RUBCN: variants seen among roughly 807,000 people sequenced by gnomAD.
The protein encoded by RUBCN is run domain Beclin-1-interacting and cysteine-rich domain-containing protein.
In RUBCN, 74 loss-of-function variants were observed where a neutral mutation model predicts 113.2. That is an observed-to-expected ratio of 0.65 (90% CI 0.54 to 0.79). The LOEUF (loss-of-function observed/expected upper bound fraction) is 0.79, where lower values mean the gene tolerates loss of function less well. RUBCN is among the 30% of genes least tolerant of loss of function. The probability of loss-of-function intolerance (pLI) is 0.00; values close to 1 mark genes in which losing one functional copy is unlikely to be tolerated. For synonymous variants in RUBCN, 480 were observed against 490.0 expected (o/e 0.98, Z 0.27); for missense variants, 1,109 against 1,251.7 (o/e 0.89, Z 1.72).
chr3:197,693,840 G>A (rs192602739), intron 10 of RUBCN, 24 bp from the exon 11 acceptor site: 252 of 1,517,692 alleles, frequency 1.7e-4, no homozygotes, highest in Non-Finnish European at 2.2e-4. Flanking sequence ...AAACAAAAAG[G>A]AATAAACAGG....
chr3:197,703,483 A>C (rs1415754377), intron 5 of RUBCN, 65 bp downstream of exon 5: 2 of 865,616 alleles, frequency 2.3e-6, no homozygotes, highest in African/African-American at 3.4e-5. Flanking sequence ...TTTGCTGTAG[A>C]GGGCTACATC....
In RUBCN at chr3:197,675,947, A is replaced by G. The variant is rs1283189196; in HGVS notation, c.2647-432T>C. ...TAGTGAAGGATTTCCAGTTCCTCCCAGACACACAGGGTTTCCTACCTGTGC... is the reference window on the plus strand; with the variant it reads ...TAGTGAAGGATTTCCAGTTCCTCCCGGACACACAGGGTTTCCTACCTGTGC... On this transcript the variant is annotated intron_variant, in intron 18 of 19. Transcript: ENST00000296343. This position sits in a 1 kb window ranked among gnomAD's most constrained non-coding sequence, Gnocchi z 4.4. Among the ~76,000 whole-genome samples, 1 of 152,216 alleles carries G rather than the reference A, an allele frequency of 6.6e-6. No individual in the cohort carries two copies. The highest frequency in any genetic ancestry group is 1.5e-5 in the Non-Finnish European group (1 of 68,032).
intron 1 of RUBCN, among the ~76,000 whole-genome samples, chr3:197,732,191 T>C (rs191668074): frequency 2.0e-4 from 31 of 152,336 alleles, no homozygotes; most frequent in African/African-American, 7.5e-4. Context: ...GTACCTGAGC[T>C]GCAAGCTCAG....
chr3:197,723,893 G>A (rs113805797), intron 1 of RUBCN, among the ~76,000 whole-genome samples: 4,891 of 152,088 alleles, frequency 0.032, 257 homozygotes, highest in African/African-American at 0.11. Context: ...TCAGGAGTTC[G>A]AGACCAACCT....
At chr3:197,738,847 C>A (rs768273635), upstream of RUBCN, among the ~76,000 whole-genome samples, 24 of 152,040 alleles carry the variant, frequency 1.6e-4, no homozygotes, top group Non-Finnish European at 3.1e-4. Flanking sequence ...CTGCCTCAGT[C>A]ACCCAAAAAG....
chr3:197,719,393 G>A (rs931423974), intron 1 of RUBCN, among the ~76,000 whole-genome samples: 20 of 149,748 alleles, frequency 1.3e-4, no homozygotes, highest in African/African-American at 4.2e-4. Context: ...CAGGAGAATC[G>A]CTTGAACCTG....
chr3:197,714,772 G>A (rs1201227297), intron 2 of RUBCN, among the ~76,000 whole-genome samples: 4 of 152,076 alleles, frequency 2.6e-5, no homozygotes, highest in East Asian at 1.9e-4. Flanking sequence ...TGACATGAGC[G>A]AGAACACACA....
intron 2 of RUBCN, among the ~76,000 whole-genome samples, chr3:197,708,238 C>A (rs1385771716): frequency 6.6e-6 from 1 of 151,774 alleles, no homozygotes; most frequent in South Asian, 2.1e-4. Context: ...CAGGTTCAAG[C>A]GATTCTCCTG....
intron 2 of RUBCN, among the ~76,000 whole-genome samples, chr3:197,716,807 A>G (rs1725567202): frequency 1.3e-5 from 2 of 152,120 alleles, no homozygotes; most frequent in Admixed American, 1.3e-4. Flanking sequence ...GGAATGGTCC[A>G]TAAGGAGAGA....
At chr3:197,695,820 C>CA (rs1381125879) in intron 9 of RUBCN, 46 bp downstream of exon 9, 2 of 1,549,562 alleles carry the variant, frequency 1.3e-6, no homozygotes, top group African/African-American at 2.7e-5. Context: ...CCTTCAGACC[C>CA]AATCTCCCAA....
chr3:197,682,338 C>T (rs75774903), intron 14 of RUBCN, 132 bp downstream of exon 14: 16 of 1,070,404 alleles, frequency 1.5e-5, no homozygotes, highest in East Asian at 1.3e-4. Context: ...CGACGCCCCC[C>T]CTCTGCCTTT....
At chr3:197,692,054 T>A (rs1410692840) in intron 11 of RUBCN, among the ~76,000 whole-genome samples, 3 of 151,774 alleles carry the variant, frequency 2.0e-5, no homozygotes, top group Non-Finnish European at 4.4e-5. Flanking sequence ...ATTGGGGCAA[T>A]TGGGGGCTAT....
intron 8 of RUBCN, 149 bp downstream of exon 8, chr3:197,696,805 G>A (rs1723059844): frequency 4.8e-6 from 3 of 625,092 alleles, no homozygotes; most frequent in Non-Finnish European, 8.7e-6. Context: ...TTCTAGCACG[G>A]GGGTTAAAAA....
At position 197,681,027 on chromosome 3, in the gene RUBCN, A is replaced by G. The variant is rs1176380667; in HGVS notation, c.2430+102T>C. 151 of 600,122 alleles carry G rather than the reference A, an allele frequency of 2.5e-4. 1 individual carries two copies. In the East Asian group the frequency reaches 4.8e-3, roughly 19 times the overall value. The allele number at this position is 600,122 out of a possible 1,614,324, so 37.2% of individuals were successfully genotyped here. A position where few individuals can be genotyped will look rare whatever the true frequency, so the allele number is the denominator to read the frequency against. ...CGAGGGGAGGGGATGGGGGGAGGGG[A>G]CAAGAGGAGGGGATGGGGGGAGGGG... On this transcript the variant is annotated intron_variant, in intron 16 of 19. Transcript: ENST00000296343. This position sits in a 1 kb window ranked among gnomAD's most constrained non-coding sequence, Gnocchi z 5.5.
intron 1 of RUBCN, chr3:197,748,106 A>T (rs573080809): frequency 6.6e-6 from 1 of 151,404 alleles, no homozygotes; most frequent in South Asian, 2.1e-4. Flanking sequence ...TAATTTTTTT[A>T]TTTTTTTATT....
Position 197,701,786 on chromosome 3 carries a change from G to C in RUBCN, c.649C>G (p.Pro217Ala), listed in dbSNP as rs1455036064. Residue 217 changes from proline (P) to alanine (A), a missense_variant, in exon 6 of 20, where the codon CCT becomes GCT. Coordinates refer to ENST00000296343, the MANE Select transcript of RUBCN (RefSeq NM_014687.4). ...LTALPSSTYTPPNSYAQHSYF... is the reference protein window; with the variant it reads ...LTALPSSTYTAPNSYAQHSYF... Reference sequence around the variant, plus strand: ...GAATGCTGAGCATAGCTGTTTGGAGGGGTGTATGTGGAACTGGGCAGGGCT... The same window carrying C: ...GAATGCTGAGCATAGCTGTTTGGAGCGGTGTATGTGGAACTGGGCAGGGCT... The C allele has an allele frequency of 6.2e-7, 1 of 1,613,948 alleles. No individual in the cohort carries two copies. The highest frequency in any genetic ancestry group is 8.5e-7 in the Non-Finnish European group (1 of 1,179,938).
upstream of RUBCN, among the ~76,000 whole-genome samples, chr3:197,739,090 G>A (rs938319099): frequency 6.6e-6 from 1 of 150,602 alleles, no homozygotes; most frequent in Non-Finnish European, 1.5e-5. Flanking sequence ...ACAGGCATCC[G>A]CCACCACGCC....
intron 16 of RUBCN, among the ~76,000 whole-genome samples, 192 bp downstream of exon 16, chr3:197,680,937 A>G (rs928155741): frequency 4.6e-5 from 7 of 150,852 alleles, no homozygotes; most frequent in African/African-American, 1.7e-4. Context: ...TGACACTGCG[A>G]TAACAAGAAG....
In RUBCN at chr3:197,700,598, G is replaced by A. The variant is rs768781178; in HGVS notation, c.1261+15C>T. 14 of 1,613,736 alleles carry A rather than the reference G, an allele frequency of 8.7e-6. No individual in the cohort carries two copies. The highest frequency in any genetic ancestry group is 2.7e-5 in the African/African-American group (2 of 74,890). ...AGGGTCATCTTGCTAACTAGCAGCC[G>A]GTGTTCCTCATTACCTGGAGCTCCC... On this transcript the variant is annotated intron_variant, in intron 7 of 19. Coordinates refer to ENST00000296343, the MANE Select transcript of RUBCN (RefSeq NM_014687.4).
Sources: allele counts gnomAD v4.1 joint callset (sites outside exome capture counted in the v4.1 genomes callset), GRCh38; gene constraint gnomAD v4.1.1; non-coding constraint Gnocchi (gnomAD v3.1); transcripts MANE v1.5; gene names NCBI Gene and HGNC (gene_info 2026-07-23, HGNC 2026-07-21).